PTPRZ1: variants seen among roughly 807,000 people sequenced by gnomAD.
PTPRZ1 encodes protein tyrosine phosphatase receptor type Z1, also known as receptor-type tyrosine-protein phosphatase zeta.
In PTPRZ1, 82 loss-of-function variants were observed where a neutral mutation model predicts 214.1. That is an observed-to-expected ratio of 0.38 (90% CI 0.32 to 0.46). PTPRZ1 has a LOEUF of 0.46. Ranked by LOEUF, PTPRZ1 falls within the 20% of genes least tolerant of loss-of-function variation. The pLI, the probability that PTPRZ1 is intolerant of heterozygous loss-of-function variation, is 1.00. For missense variants in PTPRZ1, 2,603 were observed against 2,748.7 expected, an observed-to-expected ratio of 0.95 and a Z score of 1.19; for synonymous variants, 945 against 987.9, an observed-to-expected ratio of 0.96 and a Z score of 0.81.
intron 8 of PTPRZ1, among the ~76,000 whole-genome samples, chr7:121,992,795 C>A (rs995118518): frequency 2.2e-4 from 34 of 152,098 alleles, no homozygotes; most frequent in Non-Finnish European, 3.1e-4. Flanking sequence ...GAGTGGAATG[C>A]CAAAAATAAG....
At chr7:121,993,247 G>T (rs1387944554) in intron 8 of PTPRZ1, among the ~76,000 whole-genome samples, 1 of 152,042 alleles carries the variant, frequency 6.6e-6, no homozygotes, top group African/African-American at 2.4e-5. Context: ...GAGTAGGTAT[G>T]CTTCTAATAA....
At chr7:122,033,298 G>A (rs1799437233) in intron 15 of PTPRZ1, among the ~76,000 whole-genome samples, 1 of 151,962 alleles carries the variant, frequency 6.6e-6, no homozygotes, top group East Asian at 1.9e-4. Context: ...GCCTTAAAAG[G>A]TTATGTGGAG....
chr7:121,974,489 G>T (rs1452851325), intron 4 of PTPRZ1, among the ~76,000 whole-genome samples: 1 of 152,106 alleles, frequency 6.6e-6, no homozygotes, highest in Admixed American at 6.6e-5. Context: ...TTTTGTTGTT[G>T]TTGTTGTTGT....
At chr7:121,960,619 A>C (rs2116486546) in intron 2 of PTPRZ1, among the ~76,000 whole-genome samples, 1 of 152,340 alleles carries the variant, frequency 6.6e-6, no homozygotes, top group Non-Finnish European at 1.5e-5. Context: ...ATTTGAAGGT[A>C]AGACTCAACA....
rs550175089 is a variant in PTPRZ1, at chr7:122,032,589, A to G, written c.5166+1030A>G. Among the ~76,000 whole-genome samples the G allele has an allele frequency of 3.3e-5, 5 of 152,256 alleles. No individual in the cohort carries two copies. In the East Asian group the frequency reaches 9.7e-4, roughly 29 times the overall value. On this transcript the variant is annotated intron_variant, in intron 15 of 29. Transcript: ENST00000393386. ...ACTTTGAGCTGTAAGCCTAATCACA[A>G]AATCCACTCTCTCCTGATTTTCTTT...
At chr7:122,004,687 T>C (rs1238775217) in intron 11 of PTPRZ1, 27 bp downstream of exon 11, 1 of 1,218,690 alleles carries the variant, frequency 8.2e-7, no homozygotes, top group Non-Finnish European at 1.2e-6. Context: ...TATATTCAAA[T>C]GTTTTAATAT....
At position 122,012,373 on chromosome 7, in the gene PTPRZ1, G is replaced by A. The variant is rs1288526566; in HGVS notation, c.3327G>A (p.Lys1109=). The A allele has an allele frequency of 5.6e-6, 9 of 1,613,754 alleles. No homozygotes were observed. Among genetic ancestry groups the A allele is most frequent in the Non-Finnish European group, 7.6e-6 (9 of 1,179,856 alleles). ...GGTCCCTTGCTCATACCACCACTAA[G>A]GTTTTTGATCATGAGATTAGTCAAG... is the stretch of plus-strand genomic sequence containing the variant. ...FPGSLAHTTT[K]VFDHEISQVP... Residue 1109 remains lysine, a synonymous_variant, in exon 12 of 30, where the codon AAG becomes AAA. Coordinates refer to ENST00000393386, the MANE Select transcript of PTPRZ1 (RefSeq NM_002851.3).
At chr7:121,998,441 G>T (rs527422702) in intron 10 of PTPRZ1, among the ~76,000 whole-genome samples, 1 of 152,042 alleles carries the variant, frequency 6.6e-6, no homozygotes, top group Non-Finnish European at 1.5e-5. Flanking sequence ...TCTATACAAA[G>T]CATCTCAAGA....
chr7:121,960,490 T>C (rs1003405794), intron 2 of PTPRZ1, among the ~76,000 whole-genome samples: 1 of 152,208 alleles, frequency 6.6e-6, no homozygotes, highest in African/African-American at 2.4e-5. Flanking sequence ...TAAATAGCAA[T>C]TTATAGGAAT....
intron 1 of PTPRZ1, among the ~76,000 whole-genome samples, chr7:121,904,250 G>T (rs547332984): frequency 2.6e-5 from 4 of 152,042 alleles, no homozygotes; most frequent in African/African-American, 9.7e-5. Flanking sequence ...AGATTGAGCC[G>T]TTTTTCAAGT....
At chr7:122,042,812 C>T in intron 22 of PTPRZ1, 69 bp downstream of exon 22, 1 of 1,501,242 alleles carries the variant, frequency 6.7e-7, no homozygotes, top group South Asian at 1.2e-5. Flanking sequence ...TAGGTGTATT[C>T]ATCTCCTAGG....
chr7:121,998,552 A>G (rs1798215754), intron 10 of PTPRZ1, among the ~76,000 whole-genome samples: 1 of 152,130 alleles, frequency 6.6e-6, no homozygotes, highest in Admixed American at 6.5e-5. Flanking sequence ...AAAATAAGAC[A>G]AACAAAAGTT....
chr7:122,061,028 G>A (rs1792559641), intron 29 of PTPRZ1, 52 bp from the exon 30 acceptor site: 1 of 1,500,440 alleles, frequency 6.7e-7, no homozygotes, highest in Admixed American at 2.0e-5. Flanking sequence ...TTTTACAAAT[G>A]TATGTCTTCA....
intron 1 of PTPRZ1, among the ~76,000 whole-genome samples, chr7:121,895,290 A>G (rs1318464399): frequency 6.6e-6 from 1 of 152,038 alleles, no homozygotes; most frequent in Non-Finnish European, 1.5e-5. Context: ...TACCCTCTTT[A>G]AGTCTTGCAG....
chr7:121,891,708 T>C (rs1794628979), intron 1 of PTPRZ1, among the ~76,000 whole-genome samples: 1 of 152,064 alleles, frequency 6.6e-6, no homozygotes, highest in Admixed American at 6.6e-5. Context: ...ATTTTTCATA[T>C]TTATCCATAC....
At chr7:122,054,176 C>A in intron 26 of PTPRZ1, 138 bp downstream of exon 26, 1 of 916,500 alleles carries the variant, frequency 1.1e-6, no homozygotes, top group East Asian at 2.6e-5. Context: ...GCATACTCTT[C>A]TGCTGTTGGG....
chr7:121,973,309 T>C (rs995460716), intron 4 of PTPRZ1, among the ~76,000 whole-genome samples: 15 of 152,136 alleles, frequency 9.9e-5, no homozygotes, highest in African/African-American at 3.4e-4. Flanking sequence ...AAAATCATGT[T>C]TTTGAATGAT....
At chr7:122,044,698 G>T in intron 23 of PTPRZ1, 130 bp downstream of exon 23, 2 of 930,336 alleles carry the variant, frequency 2.1e-6, no homozygotes, top group East Asian at 2.7e-5. Flanking sequence ...AGCCATCGTT[G>T]TTCCTTACTG....
chr7:121,941,013 C>G (rs1796225360), intron 2 of PTPRZ1, among the ~76,000 whole-genome samples: 1 of 152,214 alleles, frequency 6.6e-6, no homozygotes, highest in South Asian at 2.1e-4. Context: ...CCTGACTCTT[C>G]TTTTCTGCAG....
Sources: allele counts gnomAD v4.1 joint callset (sites outside exome capture counted in the v4.1 genomes callset), GRCh38; gene constraint gnomAD v4.1.1; transcripts MANE v1.5; gene names NCBI Gene and HGNC (gene_info 2026-07-23, HGNC 2026-07-21).